CLCN1: variants seen among roughly 807,000 people sequenced by gnomAD.
CLCN1 encodes the protein chloride channel protein 1.
In CLCN1, 100 loss-of-function variants were observed where a neutral mutation model predicts 114.5. The ratio of observed to expected loss-of-function variants is 0.87; its 90% confidence interval spans 0.74 to 1.03. The LOEUF is 1.03. CLCN1 is among the 50% of genes least tolerant of loss of function. The probability of loss-of-function intolerance (pLI) is 0.00; values close to 1 mark genes in which losing one functional copy is unlikely to be tolerated. For missense variants in CLCN1, 1,188 were observed against 1,250.0 expected (o/e 0.95, Z 0.75); for synonymous variants, 485 against 487.1 (o/e 1.00, Z 0.06).
At chr7:143,335,780 C>T (rs1340060381) in intron 12 of CLCN1, among the ~76,000 whole-genome samples, 2 of 151,772 alleles carry the variant, frequency 1.3e-5, no homozygotes, top group Admixed American at 1.3e-4. Flanking sequence ...CTGCCTCAGC[C>T]TTACCTGTAG....
intron 2 of CLCN1, 35 bp from the exon 3 acceptor site, chr7:143,320,629 T>G (rs762438479): frequency 1.3e-6 from 2 of 1,554,360 alleles, no homozygotes; most frequent in African/African-American, 1.4e-5. Flanking sequence ...TTGTTTGTTG[T>G]TTGTTTGTTT....
rs1802501592 is a variant in CLCN1, at chr7:143,323,549, T to G, written c.774+163T>G. On this transcript the variant is annotated intron_variant, in intron 6 of 22. Coordinates refer to ENST00000343257, the MANE Select transcript of CLCN1 (RefSeq NM_000083.3). Reference sequence around the variant, plus strand: ...TCCTCGTCTCCCTGTCTGCCTACCCTGGCCACGTGATGCCTCTGTTTAGCC... The same window carrying G: ...TCCTCGTCTCCCTGTCTGCCTACCCGGGCCACGTGATGCCTCTGTTTAGCC... The G allele has an allele frequency of 4.2e-6, 3 of 713,604 alleles. No homozygotes were observed. In the East Asian group the frequency reaches 8.1e-5, roughly 19 times the overall value. 44.2% of individuals were successfully genotyped at this position (713,604 alleles called of 1,614,324 possible).
At chr7:143,336,014 T>C (rs1802876000) in intron 12 of CLCN1, among the ~76,000 whole-genome samples, 1 of 152,152 alleles carries the variant, frequency 6.6e-6, no homozygotes, top group African/African-American at 2.4e-5. Flanking sequence ...CTTAATCTCA[T>C]GACGTGGAAA....
At chr7:143,327,993 G>A (rs1802618554) in intron 7 of CLCN1, among the ~76,000 whole-genome samples, 1 of 152,176 alleles carries the variant, frequency 6.6e-6, no homozygotes, top group African/African-American at 2.4e-5. Context: ...AGAGAGGAGG[G>A]ATCTAGGCTA....
chr7:143,334,192 G>A (rs1367742427), intron 12 of CLCN1, among the ~76,000 whole-genome samples: 2 of 150,356 alleles, frequency 1.3e-5, no homozygotes, highest in East Asian at 1.9e-4. Context: ...CAGCCTGGGC[G>A]ACAAGGGCAA....
rs935863168 is a variant in CLCN1, at chr7:143,339,092, A to G, written c.1402-161A>G. Among the ~76,000 whole-genome samples, 5 of 152,216 alleles carry G rather than the reference A, an allele frequency of 3.3e-5. No homozygotes were observed. The highest frequency in any genetic ancestry group is 1.2e-4 in the African/African-American group (5 of 41,454). ...GGTGATCTCTTAGCCTGAGAGCTCT[A>G]TGGCTTTTGTTTCTGGAAGAAGGGT... On this transcript the variant is annotated intron_variant, in intron 12 of 22. Transcript: ENST00000343257. The surrounding 1 kb of genome is among the most constrained non-coding windows in gnomAD (Gnocchi z 4.1).
At chr7:143,337,374 A>G (rs1014016522) in intron 12 of CLCN1, among the ~76,000 whole-genome samples, 9 of 152,134 alleles carry the variant, frequency 5.9e-5, no homozygotes, top group African/African-American at 2.2e-4. Context: ...ATTCATTTTT[A>G]TAGTTCTCAA....
intron 7 of CLCN1, among the ~76,000 whole-genome samples, chr7:143,325,604 C>A (rs996969637): frequency 6.6e-6 from 1 of 152,210 alleles, no homozygotes. Flanking sequence ...TTCACACTTA[C>A]ATTTATACCC....
At chr7:143,331,416 A>G in intron 9 of CLCN1, 100 bp downstream of exon 9, 2 of 1,131,376 alleles carry the variant, frequency 1.8e-6, no homozygotes, top group Non-Finnish European at 2.7e-6. Context: ...GTTGGCACAG[A>G]TAGAGTACAT....
chr7:143,345,644 C>T lies in CLCN1; in HGVS notation c.2054C>T (p.Pro685Leu). The T allele has an allele frequency of 6.4e-7, 1 of 1,565,944 alleles. No homozygotes were observed. The stretch of plus-strand genomic sequence containing the variant: ...ATGGCGCGGAAGTTGTCGGAGCTGC[C>T]TTACGACGGGAAGGCGCGGCTGGCT... Reference protein sequence around the residue: ...QEMARKLSELPYDGKARLAGE... With the variant: ...QEMARKLSELLYDGKARLAGE... The change falls in exon 17 of 23, where the codon CCT (proline) becomes CTT (leucine). Residue 685 changes from proline (P) to leucine (L), a missense_variant. Physicochemically the swap from Pro to Leu is moderately conservative, Grantham distance 98. Transcript: ENST00000343257.
intron 7 of CLCN1, among the ~76,000 whole-genome samples, chr7:143,330,331 C>T (rs1465336719): frequency 6.6e-6 from 1 of 151,952 alleles, no homozygotes; most frequent in Admixed American, 6.6e-5. Flanking sequence ...AAGGAGAGTC[C>T]CTGTAAATCC....
At chr7:143,349,024 A>G (rs1383464771) in intron 20 of CLCN1, among the ~76,000 whole-genome samples, 4 of 152,230 alleles carry the variant, frequency 2.6e-5, no homozygotes, top group Admixed American at 2.6e-4. Context: ...AAGACGGGTA[A>G]GTCAATTAGA....
In CLCN1 at chr7:143,351,930, A is replaced by G; in HGVS notation, c.2932A>G (p.Thr978Ala). Reference sequence around the variant, plus strand: ...CTTGCAGGGCCCCAGCCTGCGATCCACAGACGAGGAGGATGAGGATGAACT... The same window carrying G: ...CTTGCAGGGCCCCAGCCTGCGATCCGCAGACGAGGAGGATGAGGATGAACT... Reference protein sequence around the residue: ...DILQGPSLRSTDEEDEDELIL With the variant: ...DILQGPSLRSADEEDEDELIL Residue 978 changes from threonine (T) to alanine (A), a missense_variant, in exon 23 of 23, where the codon ACA (threonine) becomes GCA (alanine). By Grantham distance (58) the Thr-to-Ala change is moderately conservative. Transcript: ENST00000343257. 1 of 1,613,474 alleles carries G rather than the reference A, an allele frequency of 6.2e-7. No individual in the cohort carries two copies. Among genetic ancestry groups the G allele is most frequent in the East Asian group, 2.2e-5 (1 of 44,878 alleles).
chr7:143,346,009 G>A (rs1803232730), intron 17 of CLCN1, 131 bp from the exon 18 acceptor site: 3 of 816,054 alleles, frequency 3.7e-6, no homozygotes, highest in Admixed American at 2.0e-5. Context: ...ACAATTCAAA[G>A]GGATATAGGA....
At chr7:143,329,734 T>C (rs1802673303) in intron 7 of CLCN1, among the ~76,000 whole-genome samples, 1 of 152,210 alleles carries the variant, frequency 6.6e-6, no homozygotes, top group South Asian at 2.1e-4. Context: ...TCTCCATTCA[T>C]CCAATTATGT....
At chr7:143,342,208 C>T in intron 15 of CLCN1, 66 bp downstream of exon 15, 1 of 1,545,002 alleles carries the variant, frequency 6.5e-7, no homozygotes, top group South Asian at 1.1e-5. Context: ...GAGGCTGAGA[C>T]TGAGCTTAGA....
At chr7:143,319,985 A>G in intron 2 of CLCN1, 110 bp downstream of exon 2, 2 of 1,165,424 alleles carry the variant, frequency 1.7e-6, no homozygotes, top group Non-Finnish European at 2.5e-6. Context: ...TGCTACAAAA[A>G]CTCTCCTCTA....
At position 143,350,078 on chromosome 7, in the gene CLCN1, G is replaced by A. The variant is rs997933699; in HGVS notation, c.2404-294G>A. Reference sequence around the variant, plus strand: ...AAAATAGATGGGAAAGATAGGTTGGGAATAACAAATGTTTGGGACGCCAGG... The same window carrying A: ...AAAATAGATGGGAAAGATAGGTTGGAAATAACAAATGTTTGGGACGCCAGG... On this transcript the variant is annotated intron_variant, in intron 20 of 22. Coordinates refer to ENST00000343257, the MANE Select transcript of CLCN1 (RefSeq NM_000083.3). This position sits in a 1 kb window ranked among gnomAD's most constrained non-coding sequence, Gnocchi z 5.1. Among the ~76,000 whole-genome samples the A allele has an allele frequency of 6.6e-6, 1 of 152,146 alleles. No homozygotes were observed. Among genetic ancestry groups the A allele is most frequent in the Admixed American group, 6.5e-5 (1 of 15,270 alleles).
chr7:143,320,706 G>GTGAGAA lies in CLCN1; in HGVS notation c.344_345insTGAGAA (p.Glu116_Asp117insLysGlu), dbSNP rs766171008. 1 of 1,613,604 alleles carries GTGAGAA rather than the reference G, an allele frequency of 6.2e-7. No individual in the cohort carries two copies. The highest frequency in any genetic ancestry group is 1.1e-5 in the South Asian group (1 of 91,048). ...GGACAGGTGGTGAGAAGAAAATTAG[G>GTGAGAA]GGAAGACGGGATCTTTCTGGTGCTT... On this transcript the variant is annotated inframe_insertion, in exon 3 of 23. Coordinates refer to ENST00000343257, the MANE Select transcript of CLCN1 (RefSeq NM_000083.3).
Sources: gnomAD v4.1 joint callset for allele counts (sites outside exome capture counted in the v4.1 genomes callset) on GRCh38, gnomAD v4.1.1 for gene constraint, Gnocchi (gnomAD v3.1) non-coding constraint, MANE v1.5 for transcripts, NCBI Gene and HGNC (gene_info 2026-07-23, HGNC 2026-07-21) for gene names.